MYO16: variants seen among roughly 807,000 people sequenced by gnomAD.
MYO16 encodes the protein unconventional myosin-XVI.
A neutral mutation model predicts 205.3 loss-of-function variants in MYO16; 94 were observed. The observed-to-expected ratio is 0.46, with a 90% CI of 0.39 to 0.54. The LOEUF is 0.54. Ranked by LOEUF, MYO16 falls within the 20% of genes least tolerant of loss-of-function variation. The probability of loss-of-function intolerance (pLI) is 0.00; values close to 1 mark genes in which losing one functional copy is unlikely to be tolerated. For synonymous variants in MYO16, 988 were observed against 954.0 expected (o/e 1.04, Z -0.66); for missense variants, 2,315 against 2,387.5 (o/e 0.97, Z 0.63).
chr13:108,979,797 A>G (rs1472495415), intron 20 of MYO16, among the ~76,000 whole-genome samples: 1 of 152,148 alleles, frequency 6.6e-6, no homozygotes, highest in Non-Finnish European at 1.5e-5. Flanking sequence ...AGAAGAATAT[A>G]GAGGAACAAA....
the MYO16 span, among the ~76,000 whole-genome samples, chr13:108,500,520 G>A: frequency 4.6e-5 from 7 of 151,918 alleles, no homozygotes; most frequent in Admixed American, 2.6e-4. Flanking sequence ...GAGCCACCAC[G>A]CCCGGACTTG....
chr13:108,793,241 G>C (rs1431045250), intron 5 of MYO16, among the ~76,000 whole-genome samples: 2 of 146,664 alleles, frequency 1.4e-5, no homozygotes, highest in Non-Finnish European at 3.0e-5. Flanking sequence ...AGCAGCGATC[G>C]CACCACTGCA....
chr13:109,179,149 T>C (rs960386176), intron 33 of MYO16, among the ~76,000 whole-genome samples: 5 of 152,170 alleles, frequency 3.3e-5, no homozygotes, highest in African/African-American at 1.2e-4. Context: ...TGCAATCCTA[T>C]GAATGGCAGC....
intron 4 of MYO16, 83 bp downstream of exon 4, chr13:108,727,666 A>AT: frequency 1.4e-6 from 2 of 1,466,950 alleles, no homozygotes; most frequent in Non-Finnish European, 1.8e-6. Context: ...ATTTTACAAT[A>AT]TGTAATATTT....
intron 4 of MYO16, among the ~76,000 whole-genome samples, chr13:108,769,506 G>C (rs549699284): frequency 1.8e-4 from 27 of 152,248 alleles, no homozygotes; most frequent in African/African-American, 6.3e-4. Context: ...TGACTGAGAG[G>C]GGGAGGCAAT....
the MYO16 span, among the ~76,000 whole-genome samples, chr13:108,498,122 C>CT: frequency 1.6e-3 from 248 of 152,302 alleles, 1 homozygote; most frequent in African/African-American, 5.7e-3. Context: ...GAAAATGATA[C>CT]TTTAAGCCTG....
intron 21 of MYO16, among the ~76,000 whole-genome samples, chr13:108,999,257 A>G (rs1352034118): frequency 1.3e-5 from 2 of 152,212 alleles, no homozygotes; most frequent in Non-Finnish European, 2.9e-5. Context: ...CAGTTGTTTC[A>G]CACATAGATT....
chr13:108,668,647 C>T (rs1881848321), intron 2 of MYO16, among the ~76,000 whole-genome samples: 1 of 152,178 alleles, frequency 6.6e-6, no homozygotes, highest in South Asian at 2.1e-4. Flanking sequence ...GGGGCAGGGA[C>T]AGTGCTCCTT....
chr13:108,603,867 C>G (rs1878856157), intron 1 of MYO16, among the ~76,000 whole-genome samples: 1 of 152,122 alleles, frequency 6.6e-6, no homozygotes, highest in Non-Finnish European at 1.5e-5. Flanking sequence ...ATAACAAATA[C>G]ATTCAATAAA....
chr13:108,719,555 C>A (rs1372419618), intron 3 of MYO16, among the ~76,000 whole-genome samples: 2 of 151,962 alleles, frequency 1.3e-5, no homozygotes, highest in African/African-American at 4.8e-5. Context: ...GAGGTGAGTT[C>A]TTGTTTATAA....
At chr13:108,517,928 G>A in the MYO16 span, among the ~76,000 whole-genome samples, 4 of 152,112 alleles carry the variant, frequency 2.6e-5, no homozygotes, top group Admixed American at 6.5e-5. Context: ...AAGGGAACTC[G>A]CTCCAGCCTC....
intron 16 of MYO16, 24 bp from the exon 17 acceptor site, chr13:108,957,664 G>T (rs756518975): frequency 1.3e-6 from 2 of 1,540,878 alleles, no homozygotes; most frequent in Non-Finnish European, 1.8e-6. Context: ...AGGCGATAAC[G>T]TTACGTGCCT....
At chr13:108,986,922 A>T (rs569178547) in intron 20 of MYO16, among the ~76,000 whole-genome samples, 2 of 152,108 alleles carry the variant, frequency 1.3e-5, no homozygotes, top group Non-Finnish European at 1.5e-5. Flanking sequence ...TGCTTGGTCT[A>T]TCTAATACTC....
At chr13:108,834,856 A>G (rs552636980) in intron 9 of MYO16, among the ~76,000 whole-genome samples, 1 of 152,252 alleles carries the variant, frequency 6.6e-6, no homozygotes, top group South Asian at 2.1e-4. Context: ...ATGCATAGTA[A>G]ATGAAAATTT....
rs907326677 is a variant in MYO16 at position 108,811,962 on chromosome 13, T to A, written c.867+5158T>A. Among the ~76,000 whole-genome samples the A allele has an allele frequency of 2.0e-5, 3 of 152,196 alleles. No individual in the cohort carries two copies. The East Asian group carries it at 5.8e-4, about 29-fold the overall frequency. Reference sequence around the variant, plus strand: ...TAAAATACTTATTCCTTAGCACCATTTATAAGTCCCCATGTGTCAGAGGCC... The same window carrying A: ...TAAAATACTTATTCCTTAGCACCATATATAAGTCCCCATGTGTCAGAGGCC... On this transcript the variant is annotated intron_variant, in intron 7 of 34. Coordinates refer to ENST00000457511, the MANE Select transcript of MYO16 (RefSeq NM_001198950.3).
At chr13:109,138,337 T>G (rs1477145348) in intron 31 of MYO16, among the ~76,000 whole-genome samples, 1 of 152,168 alleles carries the variant, frequency 6.6e-6, no homozygotes, top group Non-Finnish European at 1.5e-5. Context: ...TAATTGAAGA[T>G]TTGGGAGTTT....
At chr13:108,535,938 A>G in the MYO16 span, among the ~76,000 whole-genome samples, 3 of 152,312 alleles carry the variant, frequency 2.0e-5, no homozygotes, top group East Asian at 5.8e-4. Flanking sequence ...TCCAGCTGAT[A>G]AAAGAAAACT....
chr13:109,173,617 C>T (rs545892303), intron 33 of MYO16, among the ~76,000 whole-genome samples: 45 of 152,088 alleles, frequency 3.0e-4, no homozygotes, highest in African/African-American at 1.0e-3. Flanking sequence ...GTGTCTCGGC[C>T]GGGCGCGGTG....
In MYO16 at chr13:108,629,759, T is replaced by C; in HGVS notation, c.-86T>C. 1 of 1,301,724 alleles carries C rather than the reference T, an allele frequency of 7.7e-7. No homozygotes were observed. Among genetic ancestry groups the C allele is most frequent in the Non-Finnish European group, 1.1e-6 (1 of 939,024 alleles). The allele number at this position is 1,301,724 out of a possible 1,614,324, so 80.6% of individuals were successfully genotyped here. ...GGTAAACTGTTACCTGAGTAAGGGC[T>C]TTAAGTAATGCATTTCCTGGGAACG... is the stretch of plus-strand genomic sequence containing the variant. On this transcript the variant is annotated 5_prime_UTR_variant, in exon 1 of 35. Transcript: ENST00000457511.
Sources: allele counts gnomAD v4.1 joint callset (sites outside exome capture counted in the v4.1 genomes callset), GRCh38; gene constraint gnomAD v4.1.1; transcripts MANE v1.5; gene names NCBI Gene and HGNC (gene_info 2026-07-23, HGNC 2026-07-21).